Variants in BRINP3 observed in about 807,000 individuals in gnomAD.
The protein encoded by BRINP3 is BMP/retinoic acid-inducible neural-specific protein 3.
BRINP3 carries 19 observed loss-of-function variants against 71.0 expected under a neutral mutation model. That is an observed-to-expected ratio of 0.27 (90% CI 0.19 to 0.39). The LOEUF is 0.39. Ranked by LOEUF, BRINP3 falls within the 10% of genes least tolerant of loss-of-function variation. The pLI, the probability that BRINP3 is intolerant of heterozygous loss-of-function variation, is 1.00. For missense variants in BRINP3, 959 were observed against 940.8 expected (o/e 1.02, Z -0.25); for synonymous variants, 380 against 337.7 (o/e 1.13, Z -1.37).
At chr1:190,104,114 G>A (rs970058335) in intron 7 of BRINP3, among the ~76,000 whole-genome samples, 3 of 151,990 alleles carry the variant, frequency 2.0e-5, no homozygotes, top group Non-Finnish European at 2.9e-5. Flanking sequence ...ATAATGGAGT[G>A]AGGGAGGGGG....
chr1:190,396,855 G>C (rs982450556), intron 2 of BRINP3, among the ~76,000 whole-genome samples: 3 of 146,790 alleles, frequency 2.0e-5, no homozygotes, highest in Admixed American at 1.4e-4. Context: ...CAACCAAATT[G>C]ATGTACAGTC....
chr1:190,241,318 G>C (rs1183969970), intron 4 of BRINP3, among the ~76,000 whole-genome samples: 1 of 151,974 alleles, frequency 6.6e-6, no homozygotes, highest in Non-Finnish European at 1.5e-5. Context: ...GCTACTTCAG[G>C]ATCATTTGTA....
intron 2 of BRINP3, among the ~76,000 whole-genome samples, chr1:190,322,320 C>T (rs1191156327): frequency 6.6e-6 from 1 of 152,040 alleles, no homozygotes; most frequent in Non-Finnish European, 1.5e-5. Context: ...TCTTTAAATA[C>T]AGTCCAAAAA....
intron 2 of BRINP3, among the ~76,000 whole-genome samples, chr1:190,296,113 A>T (rs1664234955): frequency 1.3e-5 from 2 of 151,110 alleles, no homozygotes; most frequent in Non-Finnish European, 2.9e-5. Context: ...TATTTAAAAA[A>T]TTTTTGCCAA....
chr1:190,468,823 G>A (rs890798289), intron 1 of BRINP3, among the ~76,000 whole-genome samples: 1 of 150,908 alleles, frequency 6.6e-6, no homozygotes, highest in African/African-American at 2.4e-5. Context: ...TTAAAAAGGT[G>A]TAAAAATTAT....
At chr1:190,297,254 T>A (rs1664320374) in intron 2 of BRINP3, among the ~76,000 whole-genome samples, 1 of 152,060 alleles carries the variant, frequency 6.6e-6, no homozygotes, top group Non-Finnish European at 1.5e-5. Flanking sequence ...GTTATCTAAT[T>A]TTTGACAATG....
chr1:190,453,060 T>G (rs971241667), intron 2 of BRINP3, among the ~76,000 whole-genome samples: 1 of 152,008 alleles, frequency 6.6e-6, no homozygotes, highest in African/African-American at 2.4e-5. Context: ...ATCTAACACA[T>G]TCTTAGAATC....
chr1:190,157,072 A>T (rs1420267161), intron 7 of BRINP3, among the ~76,000 whole-genome samples: 1 of 151,842 alleles, frequency 6.6e-6, no homozygotes, highest in Non-Finnish European at 1.5e-5. Context: ...CTGATAATAC[A>T]GTCTTCCCTC....
At chr1:190,317,188 A>G (rs1160505343) in intron 2 of BRINP3, among the ~76,000 whole-genome samples, 2 of 151,744 alleles carry the variant, frequency 1.3e-5, no homozygotes, top group Non-Finnish European at 2.9e-5. Context: ...AAAAAAAAAA[A>G]AAAAGTCTCT....
chr1:190,233,913 T>A (rs930960089), intron 5 of BRINP3, among the ~76,000 whole-genome samples: 8 of 152,326 alleles, frequency 5.3e-5, no homozygotes, highest in Non-Finnish European at 1.0e-4. Context: ...TGTTAATATA[T>A]CCTTAAGTAC....
intron 2 of BRINP3, among the ~76,000 whole-genome samples, chr1:190,346,762 C>T (rs1028898021): frequency 2.6e-5 from 4 of 152,042 alleles, no homozygotes; most frequent in Non-Finnish European, 4.4e-5. Context: ...CTGAAATGCC[C>T]CAGAATAGTA....
intron 7 of BRINP3, among the ~76,000 whole-genome samples, chr1:190,153,247 C>G (rs1656576582): frequency 6.6e-6 from 1 of 152,082 alleles, no homozygotes; most frequent in African/African-American, 2.4e-5. Context: ...TCTTAAGTAA[C>G]AGTTTGTTTG....
intron 6 of BRINP3, among the ~76,000 whole-genome samples, chr1:190,176,687 T>A (rs1368865666): frequency 1.3e-5 from 2 of 152,166 alleles, no homozygotes; most frequent in Non-Finnish European, 2.9e-5. Flanking sequence ...TTTTTTCATC[T>A]CTGCTTCTCT....
At chr1:190,365,806 G>GTATATA (rs66540359) in intron 2 of BRINP3, among the ~76,000 whole-genome samples, 1,958 of 127,776 alleles carry the variant, frequency 0.015, 29 homozygotes, top group Middle Eastern at 0.042. Flanking sequence ...GAGAGCAAGT[G>GTATATA]TATATATATA....
chr1:190,168,894 T>A (rs949976929), intron 6 of BRINP3, among the ~76,000 whole-genome samples: 1 of 152,216 alleles, frequency 6.6e-6, no homozygotes, highest in Non-Finnish European at 1.5e-5. Context: ...ATAAATTGTT[T>A]TCTCTATAAC....
intron 1 of BRINP3, among the ~76,000 whole-genome samples, chr1:190,456,514 T>TG (rs1294238333): frequency 2.0e-5 from 3 of 152,100 alleles, no homozygotes; most frequent in African/African-American, 7.2e-5. Flanking sequence ...TCTATATAAA[T>TG]GTACCATTGT....
rs541853968 is a variant in BRINP3, at chr1:190,278,372, C to T, written c.427+3188G>A. On this transcript the variant is annotated intron_variant, in intron 3 of 7. Coordinates refer to ENST00000367462, the MANE Select transcript of BRINP3 (RefSeq NM_199051.3). ...GTTCAATTTAAATGCCACAAACCTCCATTTTTTTTAAATGGAGAAATACAA... is the reference window on the plus strand; with the variant it reads ...GTTCAATTTAAATGCCACAAACCTCTATTTTTTTTAAATGGAGAAATACAA... 3.5e-3 allele frequency among the ~76,000 whole-genome samples: 533 copies of T among 151,616 alleles called. 5 individuals are homozygous for T. The highest frequency in any genetic ancestry group is 0.012 in the African/African-American group (495 of 41,460).
intron 2 of BRINP3, among the ~76,000 whole-genome samples, chr1:190,422,814 T>C (rs935695428): frequency 6.6e-6 from 1 of 151,910 alleles, no homozygotes; most frequent in Non-Finnish European, 1.5e-5. Context: ...TTGTAATTTA[T>C]GGCTGAATTA....
chr1:190,349,715 A>G (rs567690342), intron 2 of BRINP3, among the ~76,000 whole-genome samples: 2 of 152,266 alleles, frequency 1.3e-5, no homozygotes, highest in African/African-American at 2.4e-5. Flanking sequence ...ATTTCTTCAT[A>G]CAACATTTTA....
Sources: gnomAD v4.1 joint callset for allele counts (sites outside exome capture counted in the v4.1 genomes callset) on GRCh38, gnomAD v4.1.1 for gene constraint, MANE v1.5 for transcripts, NCBI Gene and HGNC (gene_info 2026-07-23, HGNC 2026-07-21) for gene names.